Variants in THSD4 observed in about 807,000 individuals in gnomAD.
The protein encoded by THSD4 is thrombospondin type-1 domain-containing protein 4.
THSD4 carries 69 observed loss-of-function variants against 119.0 expected under a neutral mutation model. The observed-to-expected ratio is 0.58, with a 90% confidence interval of 0.48 to 0.71. The LOEUF is 0.71. THSD4 is among the 30% of genes least tolerant of loss of function. The probability of loss-of-function intolerance (pLI) is 0.00; values close to 1 mark genes in which losing one functional copy is unlikely to be tolerated. For missense variants in THSD4, 1,393 were observed against 1,391.1 expected (o/e 1.00, Z -0.02); for synonymous variants, 524 against 540.4 (o/e 0.97, Z 0.42).
At chr15:71,375,382 G>A (rs776829605) in intron 6 of THSD4, among the ~76,000 whole-genome samples, 7 of 152,130 alleles carry the variant, frequency 4.6e-5, no homozygotes, top group African/African-American at 2.4e-5. Flanking sequence ...TTCCAAGACC[G>A]AGTTGGATGC....
At chr15:71,414,884 A>G (rs2046738400) in intron 7 of THSD4, among the ~76,000 whole-genome samples, 1 of 152,228 alleles carries the variant, frequency 6.6e-6, no homozygotes, top group South Asian at 2.1e-4. Context: ...CATTTGCCTG[A>G]AATTCCCTCA....
intron 7 of THSD4, among the ~76,000 whole-genome samples, chr15:71,623,684 G>T (rs928544773): frequency 3.3e-5 from 5 of 152,118 alleles, no homozygotes; most frequent in African/African-American, 9.7e-5. Context: ...GCACTTGAGA[G>T]GCCGAGGTGG....
intron 7 of THSD4, among the ~76,000 whole-genome samples, chr15:71,490,905 T>C (rs1357522556): frequency 4.6e-5 from 7 of 152,226 alleles, no homozygotes; most frequent in Non-Finnish European, 1.0e-4. Flanking sequence ...AGTTGAATAA[T>C]GGCAATAGAT....
At chr15:71,467,499 A>G (rs1289697476) in intron 7 of THSD4, among the ~76,000 whole-genome samples, 1 of 152,206 alleles carries the variant, frequency 6.6e-6, no homozygotes, top group African/African-American at 2.4e-5. Flanking sequence ...AATCTCAGCA[A>G]GCAAGGCCTG....
At chr15:71,436,123 C>A (rs2047010017) in intron 7 of THSD4, among the ~76,000 whole-genome samples, 1 of 152,094 alleles carries the variant, frequency 6.6e-6, no homozygotes, top group Non-Finnish European at 1.5e-5. Context: ...TTCAGGGACC[C>A]ACAGCACAGT....
At chr15:71,578,867 G>A (rs1240882620) in intron 7 of THSD4, among the ~76,000 whole-genome samples, 14 of 128,630 alleles carry the variant, frequency 1.1e-4, no homozygotes, top group African/African-American at 3.9e-4. Context: ...TTTTTGAGAC[G>A]GAGTCTTGCT....
At position 71,777,445 on chromosome 15, in the gene THSD4, C is replaced by T; in HGVS notation, c.*71C>T. Reference sequence around the variant, plus strand: ...GGGCTTCAGCAGTGCGCCTGGCTGGCTGCTGCTCCACCACGGGCCCCCTGG... The same window carrying T: ...GGGCTTCAGCAGTGCGCCTGGCTGGTTGCTGCTCCACCACGGGCCCCCTGG... On this transcript the variant is annotated 3_prime_UTR_variant, in exon 18 of 18. Transcript: ENST00000261862. 1 of 1,538,402 alleles carries T rather than the reference C, an allele frequency of 6.5e-7. No individual in the cohort carries two copies. Among genetic ancestry groups the T allele is most frequent in the Non-Finnish European group, 8.7e-7 (1 of 1,144,328 alleles).
At chr15:71,133,727 C>A (rs192233287) in intron 1 of THSD4, among the ~76,000 whole-genome samples, 129 of 152,300 alleles carry the variant, frequency 8.5e-4, no homozygotes, top group Non-Finnish European at 1.3e-3. Context: ...TATACAGAAG[C>A]AGGAACAAAT....
chr15:71,309,039 T>C (rs2045074549), intron 6 of THSD4, among the ~76,000 whole-genome samples: 1 of 152,204 alleles, frequency 6.6e-6, no homozygotes, highest in Non-Finnish European at 1.5e-5. Flanking sequence ...AACTTCCGCC[T>C]CCCAGGCCCA....
In THSD4 at chr15:71,465,466, A is replaced by G. The variant is rs537752427; in HGVS notation, c.1152+53643A>G. ...CTTTTGGGGGTTTCAACTCCTTTCT[A>G]CATTATAAAGCTAATTGATAGATTT... On this transcript the variant is annotated intron_variant, in intron 7 of 17. Coordinates refer to ENST00000261862, the MANE Select transcript of THSD4 (RefSeq NM_024817.3). Among the ~76,000 whole-genome samples the G allele has an allele frequency of 2.0e-5, 3 of 152,312 alleles. No individual in the cohort carries two copies. In the South Asian group the frequency reaches 6.2e-4, roughly 32 times the overall value.
chr15:71,725,811 C>CT lies in THSD4; in HGVS notation c.1358-2728dup, dbSNP rs540964609. Among the ~76,000 whole-genome samples, 658 of 149,340 alleles carry CT rather than the reference C, an allele frequency of 4.4e-3. 5 individuals carry two copies. Among genetic ancestry groups the CT allele is most frequent in the African/African-American group, 0.014 (570 of 40,692 alleles). ...GACATTATATGGACCACTTTTTTTC[C>CT]TTTTTTTTTTCTGAGACTGGAGTGC... On this transcript the variant is annotated intron_variant, in intron 8 of 17. Transcript: ENST00000261862.
At chr15:71,294,290 G>A (rs1005385944) in intron 6 of THSD4, among the ~76,000 whole-genome samples, 2 of 152,170 alleles carry the variant, frequency 1.3e-5, no homozygotes, top group Middle Eastern at 3.2e-3. Flanking sequence ...GTCTAGCTCA[G>A]TTACCAGGAG....
chr15:71,247,429 A>G (rs1308223106), intron 5 of THSD4, among the ~76,000 whole-genome samples: 1 of 152,218 alleles, frequency 6.6e-6, no homozygotes, highest in Non-Finnish European at 1.5e-5. Context: ...GCTTGAGTCC[A>G]GTAAGAGGGA....
At chr15:71,177,806 T>C (rs2043461303) in intron 3 of THSD4, among the ~76,000 whole-genome samples, 1 of 148,600 alleles carries the variant, frequency 6.7e-6, no homozygotes, top group African/African-American at 2.5e-5. Flanking sequence ...CAAGTGGGCT[T>C]CATCCCTGGG....
chr15:71,566,957 G>A (rs1464503798), intron 7 of THSD4, among the ~76,000 whole-genome samples: 1 of 152,024 alleles, frequency 6.6e-6, no homozygotes, highest in African/African-American at 2.4e-5. Context: ...TTATGCCAAG[G>A]AATCTTGGAA....
At chr15:71,270,292 T>C (rs1002115000) in intron 6 of THSD4, among the ~76,000 whole-genome samples, 7 of 152,074 alleles carry the variant, frequency 4.6e-5, no homozygotes, top group African/African-American at 1.7e-4. Flanking sequence ...TCAGAAATAA[T>C]GCCACACTTC....
At chr15:71,523,889 T>TTC (rs35972638) in intron 7 of THSD4, among the ~76,000 whole-genome samples, 19,853 of 152,154 alleles carry the variant, frequency 0.13, 1,394 homozygotes, top group East Asian at 0.25. Context: ...GGGAAAATGG[T>TTC]TCTATACATA....
intron 9 of THSD4, chr15:71,729,002 GGCAAAACAT>G: frequency 2.2e-6 from 1 of 448,970 alleles, no homozygotes; most frequent in South Asian, 2.5e-5. Flanking sequence ...CCAAATCAGA[GGCAAAACAT>G]GCCCTTTATT....
At chr15:71,322,026 T>TA (rs539984755) in intron 6 of THSD4, among the ~76,000 whole-genome samples, 5,322 of 144,728 alleles carry the variant, frequency 0.037, 130 homozygotes, top group South Asian at 0.078. Context: ...CACATGGACT[T>TA]AAAAAAAAAA....
Sources: allele counts gnomAD v4.1 joint callset (sites outside exome capture counted in the v4.1 genomes callset), GRCh38; gene constraint gnomAD v4.1.1; transcripts MANE v1.5; gene names NCBI Gene and HGNC (gene_info 2026-07-23, HGNC 2026-07-21).